LZTR1: variants seen among roughly 807,000 people sequenced by gnomAD.
LZTR1 encodes the protein leucine zipper like post translational regulator 1, also known as leucine-zipper-like transcriptional regulator 1.
LZTR1 carries 260 observed loss-of-function variants against 105.7 expected under a neutral mutation model. The observed-to-expected ratio is 2.46, with a 90% confidence interval of 2.22 to 2.72. LZTR1 has a LOEUF of 2.72. Among genes scored for constraint, LZTR1 ranks in the 30% most tolerant of loss-of-function variants. LZTR1 has a pLI of 0.00. For synonymous variants in LZTR1, 490 were observed against 476.4 expected (o/e 1.03, Z -0.37); for missense variants, 1,214 against 1,166.9 (o/e 1.04, Z -0.59).
chr22:20,995,121 T>G, intron 16 of LZTR1, 95 bp downstream of exon 16: 1 of 1,416,710 alleles, frequency 7.1e-7, no homozygotes, highest in Non-Finnish European at 9.6e-7. Flanking sequence ...TGCCAGGCCC[T>G]CGGGGTGGGG....
At chr22:20,994,300 G>A (rs766202941) in intron 14 of LZTR1, 31 bp downstream of exon 14, 2 of 1,592,230 alleles carry the variant, frequency 1.3e-6, no homozygotes, top group Non-Finnish European at 8.5e-7. Context: ...AGCAGGGTTG[G>A]TGTGGGCTGG....
rs178280 is a variant in LZTR1, at chr22:20,982,977, G to A, written c.201-50G>A. On this transcript the variant is annotated intron_variant, in intron 1 of 20. Coordinates refer to ENST00000646124, the MANE Select transcript of LZTR1 (RefSeq NM_006767.4). ...TCCTGCTTAGTCCCATTCCTTGGGT[G>A]CCCCCCAGGAGGGTCCTGTCCTTAC... The A allele has an allele frequency of 0.44, 671,139 of 1,526,540 alleles. 151,359 individuals are homozygous for A. The highest frequency in any genetic ancestry group is 0.57 in the East Asian group (25,408 of 44,414). 94.6% of individuals were successfully genotyped at this position (1,526,540 alleles called of 1,614,324 possible).
chr22:20,997,064 T>C, intron 20 of LZTR1, 98 bp downstream of exon 20: 1 of 1,320,274 alleles, frequency 7.6e-7, no homozygotes, highest in Non-Finnish European at 1.1e-6. Flanking sequence ...CCTGCAGTGG[T>C]GGGCCCTGGG....
intron 2 of LZTR1, among the ~76,000 whole-genome samples, chr22:20,983,754 TG>T (rs1924281716): frequency 6.6e-6 from 1 of 152,208 alleles, no homozygotes; most frequent in Non-Finnish European, 1.5e-5. Flanking sequence ...TGGGGTAGTC[TG>T]GACCCCACCA....
At position 20,997,746 on chromosome 22, in the gene LZTR1, C is replaced by T. The variant is rs1275254039; in HGVS notation, c.*398C>T. 3.4e-5 allele frequency: 6 copies of T among 178,288 alleles called. No individual in the cohort carries two copies. The highest frequency in any genetic ancestry group is 1.4e-4 in the African/African-American group (6 of 42,332). 11.0% of individuals were successfully genotyped at this position (178,288 alleles called of 1,614,324 possible). A position where few individuals can be genotyped will look rare whatever the true frequency, so the allele number is the denominator to read the frequency against. ...GGCACTGGGGCCTGTCACCAAGGCT[C>T]CTCCAACATGCGGGAGGAGGCTTAG... On this transcript the variant is annotated 3_prime_UTR_variant, in exon 21 of 21. Coordinates refer to ENST00000646124, the MANE Select transcript of LZTR1 (RefSeq NM_006767.4).
rs771602353 is a variant in LZTR1, at chr22:20,993,921, C to A, written c.1354-3C>A. ...CTCTGCCAGTGCATCATTCTTTGTG[C>A]AGAAGGAGGAGTGCGTGCAGGGCCA... On this transcript the variant is annotated splice_polypyrimidine_tract_variant and splice_region_variant and intron_variant, in intron 12 of 20. Transcript: ENST00000646124. 6.2e-7 allele frequency: 1 copy of A among 1,611,120 alleles called. No individual in the cohort carries two copies. Among genetic ancestry groups the A allele is most frequent in the Non-Finnish European group, 8.5e-7 (1 of 1,179,462 alleles).
In LZTR1 at chr22:20,994,708, T is replaced by C. The variant is rs1251316422; in HGVS notation, c.1766T>C (p.Leu589Pro). 2.5e-6 allele frequency: 4 copies of C among 1,612,210 alleles called. No homozygotes were observed. Among genetic ancestry groups the C allele is most frequent in the Non-Finnish European group, 3.4e-6 (4 of 1,179,974 alleles). The change falls in exon 15 of 21, where the codon CTG (leucine) becomes CCG (proline). Residue 589 changes from leucine (L) to proline (P), a missense_variant. Leu to Pro is a moderately conservative substitution (Grantham distance 98, BLOSUM62 -3). Coordinates refer to ENST00000646124, the MANE Select transcript of LZTR1 (RefSeq NM_006767.4). The part of the protein sequence containing the change: ...VLVVCESAAR[L>P]QLSQLKEHCL... ...GTTGTGTGCGAGAGTGCCGCCCGGC[T>C]GCAGCTGAGCCAACTCAAGGTGTGG...
rs369362070 is a variant in LZTR1, at chr22:20,995,826, G to A, written c.2023G>A (p.Gly675Arg). ...CTGTGACATCACTCTGTTGCTTGAC[G>A]GGCACCCACGGCCAGCCCACAAGGC... is the stretch of plus-strand genomic sequence containing the variant. ...EFCDITLLLD[G>R]HPRPAHKAIL... The change falls in exon 17 of 21, where the codon GGG becomes AGG. Residue 675 changes from glycine to arginine, a missense_variant. By Grantham distance (125) the Gly-to-Arg change is moderately radical (BLOSUM62 -2). Transcript: ENST00000646124. 4.2e-5 allele frequency: 67 copies of A among 1,613,150 alleles called. No homozygotes were observed. Among genetic ancestry groups the A allele is most frequent in the African/African-American group, 1.6e-4 (12 of 74,876 alleles).
chr22:20,983,156 T>C, intron 2 of LZTR1, 67 bp downstream of exon 2: 7 of 1,375,652 alleles, frequency 5.1e-6, no homozygotes, highest in Non-Finnish European at 7.3e-6. Context: ...GGACTGGGCC[T>C]GTCCAGCTCC....
rs1486430273 is a variant in LZTR1 at position 20,982,383 on chromosome 22, G to T, written c.12G>T (p.Pro4=). 1 of 1,555,190 alleles carries T rather than the reference G, an allele frequency of 6.4e-7. No homozygotes were observed. Among genetic ancestry groups the T allele is most frequent in the Admixed American group, 1.9e-5 (1 of 51,582 alleles). The change falls in exon 1 of 21, where the codon CCG becomes CCT. Residue 4 remains proline (P), a synonymous_variant. Transcript: ENST00000646124. MAG[P]GSTGGQIGAA... is the part of the protein sequence containing the mutation. ...GGCGTGGACCCGGGATGGCTGGACC[G>T]GGCAGCACGGGGGGGCAGATCGGGG...
Position 20,988,772 on chromosome 22 carries a change from C to G in LZTR1, c.510-17C>G. 1 of 1,607,014 alleles carries G rather than the reference C, an allele frequency of 6.2e-7. No individual in the cohort carries two copies. Reference sequence around the variant, plus strand: ...GCTGGGCGGCCTCACTCCCTCCCCTCTTCCCTCACACTCCAGGTTGCCAGT... The same window carrying G: ...GCTGGGCGGCCTCACTCCCTCCCCTGTTCCCTCACACTCCAGGTTGCCAGT... On this transcript the variant is annotated splice_polypyrimidine_tract_variant and intron_variant, in intron 5 of 20. Transcript: ENST00000646124.
In LZTR1 at chr22:20,989,102, G is replaced by C. The variant is rs67648101; in HGVS notation, c.593+230G>C. On this transcript the variant is annotated intron_variant, in intron 6 of 20. Transcript: ENST00000646124. ...GTGGCTACCAGAGTAGCTTGGATGAGGATCCTCAGCCAGGAGTTGCCCTGC... is the reference window on the plus strand; with the variant it reads ...GTGGCTACCAGAGTAGCTTGGATGACGATCCTCAGCCAGGAGTTGCCCTGC... Among the ~76,000 whole-genome samples, 23,516 of 152,224 alleles carry C rather than the reference G, an allele frequency of 0.15. 1,993 individuals carry two copies. The highest frequency in any genetic ancestry group is 0.26 in the East Asian group (1,328 of 5,170).
At chr22:20,994,384 C>A in intron 14 of LZTR1, 115 bp downstream of exon 14, 1 of 1,319,534 alleles carries the variant, frequency 7.6e-7, no homozygotes, top group South Asian at 1.4e-5. Flanking sequence ...GGCTCAGAGG[C>A]TGCAGGTCAC....
At position 20,994,552 on chromosome 22, in the gene LZTR1, G is replaced by A. The variant is rs756305977; in HGVS notation, c.1616-6G>A. On this transcript the variant is annotated splice_polypyrimidine_tract_variant and splice_region_variant and intron_variant, in intron 14 of 20. Transcript: ENST00000646124. ...CTCCCTGAGATTCGGGGGCTCTGGG[G>A]CGCAGGCCATGTGGAGGATGTGCTG... The A allele has an allele frequency of 6.2e-7, 1 of 1,607,536 alleles. No homozygotes were observed. The highest frequency in any genetic ancestry group is 1.7e-5 in the Admixed American group (1 of 60,010).
chr22:20,997,497 G>A lies in LZTR1; in HGVS notation c.*149G>A, dbSNP rs1924913130. 1.7e-5 allele frequency: 11 copies of A among 637,150 alleles called. No individual in the cohort carries two copies. The South Asian group carries it at 1.9e-4, about 11-fold the overall frequency. 39.5% of individuals were successfully genotyped at this position (637,150 alleles called of 1,614,324 possible). On this transcript the variant is annotated 3_prime_UTR_variant, in exon 21 of 21. Coordinates refer to ENST00000646124, the MANE Select transcript of LZTR1 (RefSeq NM_006767.4). ...GCCCAGAGCCTCCAAAGAGAGCTGA[G>A]GGGATGTGGGGCCCCAAACTCATTA...
Position 20,982,399 on chromosome 22 carries a change from C to A in LZTR1, c.28C>A (p.Gln10Lys). 3 of 1,561,576 alleles carry A rather than the reference C, an allele frequency of 1.9e-6. No homozygotes were observed. The highest frequency in any genetic ancestry group is 1.7e-6 in the Non-Finnish European group (2 of 1,152,430). ...GGCTGGACCGGGCAGCACGGGGGGGCAGATCGGGGCTGCGGCCCTGGCAGG... is the reference window on the plus strand; with the variant it reads ...GGCTGGACCGGGCAGCACGGGGGGGAAGATCGGGGCTGCGGCCCTGGCAGG... MAGPGSTGG[Q>K]IGAAALAGGA... Residue 10 changes from glutamine to lysine, a missense_variant, in exon 1 of 21, where the codon CAG (glutamine) becomes AAG (lysine). By Grantham distance (53) the Gln-to-Lys change is moderately conservative. Coordinates refer to ENST00000646124, the MANE Select transcript of LZTR1 (RefSeq NM_006767.4).
Position 20,987,516 on chromosome 22 carries a change from T to TGGGACCCC in LZTR1, c.334_341dup (p.Pro115GlyfsTer35). The TGGGACCCC allele has an allele frequency of 6.2e-7, 1 of 1,613,432 alleles. No homozygotes were observed. The highest frequency in any genetic ancestry group is 8.5e-7 in the Non-Finnish European group (1 of 1,179,522). On this transcript the variant is annotated frameshift_variant, in exon 4 of 21. Transcript: ENST00000646124. LOFTEE classifies it high-confidence loss of function. The stretch of plus-strand genomic sequence containing the variant: ...GTGCCCACCCCAGGGCCTTTACCAC[T>TGGGACCCC]GGGACCCCACCGGCCCCCCGTTACC...
At chr22:20,986,540 A>G (rs1477917827) in intron 3 of LZTR1, 1 of 152,176 alleles carries the variant, frequency 6.6e-6, no homozygotes, top group Non-Finnish European at 1.5e-5. Context: ...ATCGATAGAT[A>G]GATGATAGGT....
rs769150226 is a variant in LZTR1 at position 20,994,264 on chromosome 22, G to A, written c.1610G>A (p.Arg537Gln). The A allele has an allele frequency of 1.0e-5, 16 of 1,597,832 alleles. 1 individual carries two copies. Among genetic ancestry groups the A allele is most frequent in the South Asian group, 7.7e-5 (7 of 90,974 alleles). ...TACACCGACAAGATCAAATACCCAC[G>A]GAAAGGTCCGCCTGGGTGGGGGTGG... ...FLYTDKIKYP[R>Q]KGHVEDVLLI... The change falls in exon 14 of 21, where the codon CGG becomes CAG. Residue 537 changes from arginine (R) to glutamine (Q), a missense_variant. By Grantham distance (43) the Arg-to-Gln change is conservative. Transcript: ENST00000646124.
Sources: allele counts gnomAD v4.1 joint callset (sites outside exome capture counted in the v4.1 genomes callset), GRCh38; gene constraint gnomAD v4.1.1; transcripts MANE v1.5; gene names NCBI Gene and HGNC (gene_info 2026-07-23, HGNC 2026-07-21).